The following CACNA1A variants were observed in gnomAD, a reference collection of about 807,000 sequenced individuals.
CACNA1A encodes voltage-dependent P/Q-type calcium channel subunit alpha-1A.
A neutral mutation model predicts 262.4 loss-of-function variants in CACNA1A; 57 were observed. The observed-to-expected ratio is 0.22, with a 90% CI of 0.18 to 0.27. The LOEUF is 0.27. Ranked by LOEUF, CACNA1A falls within the 10% of genes least tolerant of loss-of-function variation. The pLI is 1.00. For missense variants in CACNA1A, 2,526 were observed against 3,562.8 expected, an observed-to-expected ratio of 0.71 and a Z score of 7.41; for synonymous variants, 1,431 against 1,419.3, an observed-to-expected ratio of 1.01 and a Z score of -0.18.
At chr19:13,503,148 G>A (rs958414016) in intron 1 of CACNA1A, among the ~76,000 whole-genome samples, 1 of 152,170 alleles carries the variant, frequency 6.6e-6, no homozygotes, top group East Asian at 1.9e-4. Flanking sequence ...TGGATAGATT[G>A]TAGTAGAGTC....
intron 3 of CACNA1A, among the ~76,000 whole-genome samples, chr19:13,423,816 A>G (rs2144794214): frequency 1.3e-5 from 2 of 152,184 alleles, no homozygotes; most frequent in East Asian, 1.9e-4. Context: ...CACCTGGCCA[A>G]GAGTTTTCTT....
chr19:13,220,409 G>T (rs1451838131), intron 38 of CACNA1A, among the ~76,000 whole-genome samples: 1 of 152,180 alleles, frequency 6.6e-6, no homozygotes, highest in East Asian at 1.9e-4. Flanking sequence ...AGAGCACATG[G>T]AGGATTACAT....
rs746428515 is a variant in CACNA1A, at chr19:13,298,824, C to G, written c.2809G>C (p.Gly937Arg). 9 of 1,574,494 alleles carry G rather than the reference C, an allele frequency of 5.7e-6. No homozygotes were observed. The East Asian group carries it at 1.6e-4, about 29-fold the overall frequency. The change falls in exon 19 of 47, where the codon GGG becomes CGG. Residue 937 changes from glycine (G) to arginine (R), a missense_variant. By Grantham distance (125) the Gly-to-Arg change is moderately radical. Transcript: ENST00000360228. ...CCGCTGCGGCTCTCCCTGCTGCCCC[C>G]CTGCCGGTGCACGTGCCTCCGGTGG... The part of the protein sequence containing the change: ...DPHRRHVHRQ[G>R]GSRESRSGSP...
At chr19:13,223,061 G>T (rs371452420) in intron 38 of CACNA1A, among the ~76,000 whole-genome samples, 2 of 152,180 alleles carry the variant, frequency 1.3e-5, no homozygotes, top group African/African-American at 2.4e-5. Flanking sequence ...ATCTCGTTCT[G>T]TCGCCCAGGC....
intron 1 of CACNA1A, among the ~76,000 whole-genome samples, chr19:13,489,040 C>T (rs1402993578): frequency 6.4e-5 from 6 of 94,170 alleles, no homozygotes; most frequent in Non-Finnish European, 1.1e-4. Flanking sequence ...GAGACGGAGT[C>T]TCTCTCTGTT....
intron 3 of CACNA1A, among the ~76,000 whole-genome samples, chr19:13,448,927 T>C (rs2060865323): frequency 6.6e-6 from 1 of 152,138 alleles, no homozygotes; most frequent in Non-Finnish European, 1.5e-5. Context: ...CAGTACCACA[T>C]ATCTCTTTTT....
chr19:13,483,524 G>A (rs976698725), intron 1 of CACNA1A, among the ~76,000 whole-genome samples: 5 of 152,156 alleles, frequency 3.3e-5, no homozygotes, highest in East Asian at 3.9e-4. Flanking sequence ...ATGAGCACAC[G>A]ACCTCAGCAA....
intron 35 of CACNA1A, 56 bp downstream of exon 35, chr19:13,231,654 G>T: frequency 6.4e-7 from 1 of 1,556,414 alleles, no homozygotes; most frequent in East Asian, 2.4e-5. Context: ...CCACTCCCCT[G>T]AAAGGAAGCC....
At chr19:13,263,044 G>A (rs2056774114) in intron 24 of CACNA1A, 1 of 563,056 alleles carries the variant, frequency 1.8e-6, no homozygotes, top group Non-Finnish European at 3.2e-6. Context: ...GCTTTTTGTG[G>A]TTCTGGTCCC....
intron 3 of CACNA1A, among the ~76,000 whole-genome samples, chr19:13,434,541 G>T (rs185627724): frequency 6.6e-6 from 1 of 152,078 alleles, no homozygotes. Flanking sequence ...TCTCGAGATC[G>T]TGAGTGAGTT....
At chr19:13,267,449 C>T (rs1186159558) in intron 24 of CACNA1A, among the ~76,000 whole-genome samples, 1 of 152,158 alleles carries the variant, frequency 6.6e-6, no homozygotes, top group Non-Finnish European at 1.5e-5. Context: ...GCCAAATTTC[C>T]AGGTAGCAGG....
At position 13,317,134 on chromosome 19, in the gene CACNA1A, G is replaced by C. The variant is rs751539123; in HGVS notation, c.1533C>G (p.Pro511=). The change falls in exon 11 of 47, where the codon CCC becomes CCG. Residue 511 remains proline (P), a synonymous_variant. Transcript: ENST00000360228. ...LCVAIVHYNQ[P]EWLSDFLYYA... ...CACAAAGGAAGTCGGAGAGCCACTC[G>C]GGCTGGTTGTAGTGAACAATAGCAA... is the stretch of plus-strand genomic sequence containing the variant. The C allele has an allele frequency of 1.9e-6, 3 of 1,606,968 alleles. No individual in the cohort carries two copies.
intron 18 of CACNA1A, 27 bp from the exon 19 acceptor site, chr19:13,299,380 G>A (rs764730227): frequency 6.3e-7 from 1 of 1,592,650 alleles, no homozygotes; most frequent in Non-Finnish European, 8.5e-7. Context: ...ACAGGACTTA[G>A]AGCATTGCTA....
rs527303092 is a variant in CACNA1A, at chr19:13,253,267, G to A, written c.4756-166C>T. Reference sequence around the variant, plus strand: ...GTTCAGGAAAGCCCCGCTCTCCGCCGGACTAGGCTCTTCTTTTCACATCCA... The same window carrying A: ...GTTCAGGAAAGCCCCGCTCTCCGCCAGACTAGGCTCTTCTTTTCACATCCA... On this transcript the variant is annotated intron_variant, in intron 29 of 46. Transcript: ENST00000360228. Among the ~76,000 whole-genome samples the A allele has an allele frequency of 6.6e-5, 10 of 151,444 alleles. No individual in the cohort carries two copies. In the East Asian group the frequency reaches 1.2e-3, roughly 18 times the overall value.
chr19:13,215,843 A>G (rs2054990148), intron 38 of CACNA1A, among the ~76,000 whole-genome samples: 1 of 152,138 alleles, frequency 6.6e-6, no homozygotes, highest in African/African-American at 2.4e-5. Flanking sequence ...TGTCTGCCAT[A>G]GGATTATTAC....
intron 3 of CACNA1A, among the ~76,000 whole-genome samples, chr19:13,411,167 A>G (rs898053978): frequency 2.6e-5 from 4 of 152,206 alleles, no homozygotes; most frequent in African/African-American, 9.6e-5. Flanking sequence ...ATAGATGGCC[A>G]ACACAATATC....
intron 3 of CACNA1A, among the ~76,000 whole-genome samples, chr19:13,436,987 G>A (rs543082648): frequency 3.9e-5 from 6 of 152,190 alleles, no homozygotes; most frequent in Admixed American, 3.3e-4. Context: ...CAGGTTAGCT[G>A]GTGTCCCTGC....
rs1409186744 is a variant in CACNA1A, at chr19:13,207,600, C to G, written c.7234G>C (p.Gly2412Arg). 3.4e-6 allele frequency: 5 copies of G among 1,482,652 alleles called. No homozygotes were observed. In the Admixed American group the frequency reaches 1.1e-4, roughly 33 times the overall value. 91.8% of individuals were successfully genotyped at this position (1,482,652 alleles called of 1,614,324 possible). ...PGPRHHGYYR[G>R]SDYDEADGPG... The stretch of plus-strand genomic sequence containing the variant: ...CCATCGGCCTCGTCGTAGTCGGAGC[C>G]CCGGTAGTAGCCATGGTGCCGGGGA... Residue 2412 changes from glycine to arginine, a missense_variant, in exon 47 of 47, where the codon GGC (glycine) becomes CGC (arginine). Coordinates refer to ENST00000360228, the MANE Select transcript of CACNA1A (RefSeq NM_001127222.2). The surrounding 1 kb of genome is among the most constrained non-coding windows in gnomAD (Gnocchi z 5.7).
chr19:13,316,624 T>G (rs2058132228), intron 11 of CACNA1A: 1 of 151,674 alleles, frequency 6.6e-6, no homozygotes. Context: ...AGCAGAAGGT[T>G]TGAAAGAAGA....
Sources: gnomAD v4.1 joint callset for allele counts (sites outside exome capture counted in the v4.1 genomes callset) on GRCh38, gnomAD v4.1.1 for gene constraint, Gnocchi (gnomAD v3.1) non-coding constraint, MANE v1.5 for transcripts, NCBI Gene and HGNC (gene_info 2026-07-23, HGNC 2026-07-21) for gene names.